Variants in GDF1 observed in about 807,000 individuals in gnomAD.
GDF1 encodes the protein growth differentiation factor 1.
In GDF1, 8 loss-of-function variants were observed where a neutral mutation model predicts 7.4. That is an observed-to-expected ratio of 1.09 (90% confidence interval 0.64 to 1.96). The LOEUF is 1.96. Among genes scored for constraint, GDF1 ranks in the 30% most tolerant of loss-of-function variants. The pLI is 0.00. For synonymous variants in GDF1, 311 were observed against 276.7 expected, an observed-to-expected ratio of 1.12 and a Z score of -1.23; for missense variants, 574 against 551.5, an observed-to-expected ratio of 1.04 and a Z score of -0.41.
At position 18,895,817 on chromosome 19, in the gene GDF1, C is replaced by T. The variant is rs1359495108; in HGVS notation, c.-1074+7G>A. On this transcript the variant is annotated splice_region_variant and intron_variant, in intron 1 of 7. Transcript: ENST00000247005. This position sits in a 1 kb window ranked among gnomAD's most constrained non-coding sequence, Gnocchi z 6.4. The stretch of plus-strand genomic sequence containing the variant: ...GTCCCCTCGTCCCGGCCCCCGGCCA[C>T]ACTGACCCGAAAGAGGCGCGCAGTG... 9.5e-6 allele frequency: 12 copies of T among 1,259,440 alleles called. No individual in the cohort carries two copies. Among genetic ancestry groups the T allele is most frequent in the Non-Finnish European group, 1.2e-5 (12 of 998,666 alleles). 78.0% of individuals were successfully genotyped at this position (1,259,440 alleles called of 1,614,324 possible).
Position 18,869,001 on chromosome 19 carries a change from T to C in GDF1, c.715A>G (p.Thr239Ala). 1 of 1,101,218 alleles carries C rather than the reference T, an allele frequency of 9.1e-7. No individual in the cohort carries two copies. The highest frequency in any genetic ancestry group is 1.1e-6 in the Non-Finnish European group (1 of 905,474). 68.2% of individuals were successfully genotyped at this position (1,101,218 alleles called of 1,614,324 possible). ...RLAEASLLLV[T>A]LDPRLCHPLA... ...GGGTGGCACAGGCGCGGGTCGAGGG[T>C]CACCAGCAGCAGCGAGGCCTCGGCC... is the stretch of plus-strand genomic sequence containing the variant. The change falls in exon 8 of 8, where the codon ACC becomes GCC. Residue 239 changes from threonine to alanine, a missense_variant. By Grantham distance (58) the Thr-to-Ala change is moderately conservative. Coordinates refer to ENST00000247005, the MANE Select transcript of GDF1 (RefSeq NM_001492.6).
chr19:18,868,842 G>T lies in GDF1; in HGVS notation c.874C>A (p.Leu292Met). ...HRWVIAPRGF[L>M]ANYCQGQCAL... is the part of the protein sequence containing the mutation. ...CACTGACCCTGGCAGTAGTTGGCCAGGAAGCCGCGCGGCGCGATGACCCAG... is the reference window on the plus strand; with the variant it reads ...CACTGACCCTGGCAGTAGTTGGCCATGAAGCCGCGCGGCGCGATGACCCAG... Residue 292 changes from leucine (L) to methionine (M), a missense_variant, in exon 8 of 8, where the codon CTG (leucine) becomes ATG (methionine). Transcript: ENST00000247005. 1 of 1,451,646 alleles carries T rather than the reference G, an allele frequency of 6.9e-7. No individual in the cohort carries two copies. 89.9% of individuals were successfully genotyped at this position (1,451,646 alleles called of 1,614,324 possible).
intron 2 of GDF1, among the ~76,000 whole-genome samples, chr19:18,884,538 G>C (rs575601095): frequency 2.0e-5 from 3 of 151,702 alleles, no homozygotes; most frequent in Non-Finnish European, 4.4e-5. Context: ...CTCCTGAGTA[G>C]CTAGGACTAC....
Position 18,868,573 on chromosome 19 carries a change from G to T in GDF1, c.*24C>A, listed in dbSNP as rs374836827. 1 of 1,515,280 alleles carries T rather than the reference G, an allele frequency of 6.6e-7. No homozygotes were observed. Among genetic ancestry groups the T allele is most frequent in the Non-Finnish European group, 9.0e-7 (1 of 1,115,688 alleles). 93.9% of individuals were successfully genotyped at this position (1,515,280 alleles called of 1,614,324 possible). A position where few individuals can be genotyped will look rare whatever the true frequency, so the allele number is the denominator to read the frequency against. ...CAGACCACGCGGCATTTATTGTTGG[G>T]CCCGCGTCCCTGCCCGCCCCGGGTT... On this transcript the variant is annotated 3_prime_UTR_variant, in exon 8 of 8. Coordinates refer to ENST00000247005, the MANE Select transcript of GDF1 (RefSeq NM_001492.6).
chr19:18,887,136 T>C (rs1486687646), intron 2 of GDF1, among the ~76,000 whole-genome samples: 3 of 152,164 alleles, frequency 2.0e-5, no homozygotes, highest in African/African-American at 7.2e-5. Context: ...GAAGAATAGA[T>C]AGGTTACCTC....
intron 3 of GDF1, 57 bp downstream of exon 3, chr19:18,884,030 C>A: frequency 1.9e-6 from 3 of 1,559,456 alleles, no homozygotes; most frequent in Admixed American, 1.8e-5. Flanking sequence ...GCAACATCAG[C>A]CTCCGCACTC....
chr19:18,888,038 A>G (rs2056402509), intron 2 of GDF1, among the ~76,000 whole-genome samples: 1 of 152,156 alleles, frequency 6.6e-6, no homozygotes, highest in Non-Finnish European at 1.5e-5. Flanking sequence ...TAAAATGCCT[A>G]ATTTCAAGCT....
At chr19:18,877,111 A>G (rs1202859023) in intron 6 of GDF1, among the ~76,000 whole-genome samples, 1 of 152,172 alleles carries the variant, frequency 6.6e-6, no homozygotes, top group Non-Finnish European at 1.5e-5. Context: ...GGAGAATCGA[A>G]TTCTGCTGGT....
chr19:18,871,430 C>T (rs965245374), intron 6 of GDF1, among the ~76,000 whole-genome samples: 6 of 152,074 alleles, frequency 3.9e-5, no homozygotes, highest in Non-Finnish European at 8.8e-5. Flanking sequence ...CCATATCACC[C>T]AAGCTGGTCT....
chr19:18,892,812 ACC>A (rs1568307229), intron 2 of GDF1, among the ~76,000 whole-genome samples: 1 of 151,616 alleles, frequency 6.6e-6, no homozygotes, highest in African/African-American at 2.4e-5. Flanking sequence ...ACGGCCAGAT[ACC>A]CCCTTTCCTG....
rs756469531 is a variant in GDF1 at position 18,870,141 on chromosome 19, C to G, written c.167G>C (p.Arg56Pro). The G allele has an allele frequency of 6.4e-7, 1 of 1,564,298 alleles. No homozygotes were observed. The highest frequency in any genetic ancestry group is 2.3e-5 in the East Asian group (1 of 43,688). The change falls in exon 7 of 8, where the codon CGG becomes CCG. Residue 56 changes from arginine (R) to proline (P), a missense_variant. Transcript: ENST00000247005. This position sits in a 1 kb window ranked among gnomAD's most constrained non-coding sequence, Gnocchi z 5.1. ...RDEPQGAPRL[R>P]PVPPVMWRLF... is the part of the protein sequence containing the mutation. ...GCGCCACATGACCGGGGGAACCGGC[C>G]GGAGCCTGGGGGCACCCTGGGGCTC...
At chr19:18,893,316 G>A (rs574868929) in intron 2 of GDF1, 100 bp downstream of exon 2, 1 of 1,366,064 alleles carries the variant, frequency 7.3e-7, no homozygotes, top group African/African-American at 1.5e-5. Context: ...CTGGGCTCCA[G>A]TGATCCTCCT....
rs1439439062 is a variant in GDF1 at position 18,880,261 on chromosome 19, C to T, written c.-571+13G>A. The T allele has an allele frequency of 1.3e-6, 2 of 1,544,668 alleles. No individual in the cohort carries two copies. The highest frequency in any genetic ancestry group is 1.7e-6 in the Non-Finnish European group (2 of 1,144,034). On this transcript the variant is annotated intron_variant, in intron 4 of 7. Coordinates refer to ENST00000247005, the MANE Select transcript of GDF1 (RefSeq NM_001492.6). ...CACACCTCCCTCCCTGCCCAGCACTCCCTACCACTCACCAGCTGAAGCCGA... is the reference window on the plus strand; with the variant it reads ...CACACCTCCCTCCCTGCCCAGCACTTCCTACCACTCACCAGCTGAAGCCGA...
At position 18,880,539 on chromosome 19, in the gene GDF1, C is replaced by T. The variant is rs1013577834; in HGVS notation, c.-732-104G>A. ...TCCCTGGGCTACACCTCAGGCTCCC[C>T]GTGGGCCTCTTCAAAGCCACCCTTC... On this transcript the variant is annotated intron_variant, in intron 3 of 7. Coordinates refer to ENST00000247005, the MANE Select transcript of GDF1 (RefSeq NM_001492.6). 1.3e-5 allele frequency: 15 copies of T among 1,176,638 alleles called. No individual in the cohort carries two copies. The East Asian group carries it at 1.6e-4, about 13-fold the overall frequency. 72.9% of individuals were successfully genotyped at this position (1,176,638 alleles called of 1,614,324 possible). A position where few individuals can be genotyped will look rare whatever the true frequency, so the allele number is the denominator to read the frequency against.
In GDF1 at chr19:18,880,341, C is replaced by T. The variant is rs373056917; in HGVS notation, c.-638G>A. On this transcript the variant is annotated 5_prime_UTR_variant, in exon 4 of 8. Coordinates refer to ENST00000247005, the MANE Select transcript of GDF1 (RefSeq NM_001492.6). ...GCATGCAGCCGATGGTAGGAGCCGCCGCGGGACTTGAAGTAAATGTTGAGC... is the reference window on the plus strand; with the variant it reads ...GCATGCAGCCGATGGTAGGAGCCGCTGCGGGACTTGAAGTAAATGTTGAGC... The T allele has an allele frequency of 1.9e-4, 292 of 1,557,914 alleles. No individual in the cohort carries two copies. The highest frequency in any genetic ancestry group is 1.3e-3 in the Middle Eastern group (7 of 5,520).
intron 6 of GDF1, among the ~76,000 whole-genome samples, chr19:18,876,081 T>C (rs1390853670): frequency 6.6e-6 from 1 of 152,086 alleles, no homozygotes; most frequent in African/African-American, 2.4e-5. Context: ...GCCTCCCGAG[T>C]TCAAGCGATT....
intron 4 of GDF1, 117 bp from the exon 5 acceptor site, chr19:18,879,505 G>A: frequency 8.0e-7 from 1 of 1,249,088 alleles, no homozygotes; most frequent in East Asian, 2.6e-5. Flanking sequence ...GCCCACCTCT[G>A]CCCACCTGTT....
rs1042830838 is a variant in GDF1, at chr19:18,870,844, T to A, written c.-312-225A>T. Among the ~76,000 whole-genome samples the A allele has an allele frequency of 4.0e-5, 6 of 151,642 alleles. No individual in the cohort carries two copies. Among genetic ancestry groups the A allele is most frequent in the African/African-American group, 1.5e-4 (6 of 41,180 alleles). ...GGCACGTATGTCCCCCCTGGCACCC[T>A]GGCACTTCCTCCTTGCTTCCCCCTC... On this transcript the variant is annotated intron_variant, in intron 6 of 7. Transcript: ENST00000247005. This position sits in a 1 kb window ranked among gnomAD's most constrained non-coding sequence, Gnocchi z 5.1.
intron 2 of GDF1, among the ~76,000 whole-genome samples, chr19:18,891,085 T>C (rs1366429252): frequency 5.3e-5 from 8 of 151,356 alleles, no homozygotes; most frequent in East Asian, 1.9e-4. Flanking sequence ...GATCGTGCCA[T>C]TGCACTCCAG....
Sources: gnomAD v4.1 joint callset for allele counts (sites outside exome capture counted in the v4.1 genomes callset) on GRCh38, gnomAD v4.1.1 for gene constraint, Gnocchi (gnomAD v3.1) non-coding constraint, MANE v1.5 for transcripts, NCBI Gene and HGNC (gene_info 2026-07-23, HGNC 2026-07-21) for gene names.